Variants in L3MBTL1 observed in about 807,000 individuals in gnomAD.
L3MBTL1 encodes lethal(3)malignant brain tumor-like protein 1.
L3MBTL1 carries 75 observed loss-of-function variants against 105.3 expected under a neutral mutation model. The ratio of observed to expected loss-of-function variants is 0.71; its 90% CI spans 0.59 to 0.86. L3MBTL1 has a LOEUF of 0.86. Ranked by LOEUF, L3MBTL1 falls within the 40% of genes least tolerant of loss-of-function variation. The pLI is 0.00. For synonymous variants in L3MBTL1, 452 were observed against 436.2 expected (o/e 1.04, Z -0.45); for missense variants, 1,069 against 1,126.4 (o/e 0.95, Z 0.73).
At chr20:43,509,845 A>C (rs529101381) in intron 1 of L3MBTL1, among the ~76,000 whole-genome samples, 1 of 152,232 alleles carries the variant, frequency 6.6e-6, no homozygotes. Flanking sequence ...CAGTGTTTCA[A>C]ATAAAAAGAT....
intron 7 of L3MBTL1, chr20:43,523,669 C>T (rs1471429846): frequency 5.7e-6 from 1 of 174,204 alleles, no homozygotes; most frequent in Non-Finnish European, 1.3e-5. Flanking sequence ...ACAAGATCTC[C>T]TTATCCTTTT....
chr20:43,534,512 C>CTCATT, intron 15 of L3MBTL1, 118 bp downstream of exon 15: 1 of 795,388 alleles, frequency 1.3e-6, no homozygotes, highest in Non-Finnish European at 2.1e-6. Context: ...GATCTTGAAT[C>CTCATT]TCATTCTTGC....
At chr20:43,522,683 G>C (rs1200549953) in intron 7 of L3MBTL1, among the ~76,000 whole-genome samples, 1 of 150,958 alleles carries the variant, frequency 6.6e-6, no homozygotes, top group Non-Finnish European at 1.5e-5. Flanking sequence ...TGTTGCCCAG[G>C]CTAGTCTCAA....
chr20:43,544,263 C>T (rs1216560850), downstream of L3MBTL1, among the ~76,000 whole-genome samples: 1 of 152,206 alleles, frequency 6.6e-6, no homozygotes, highest in Non-Finnish European at 1.5e-5. Context: ...CTTAGCTTGA[C>T]CTGTGTTAAA....
chr20:43,508,558 G>A (rs891552460), intron 1 of L3MBTL1, among the ~76,000 whole-genome samples: 3 of 152,252 alleles, frequency 2.0e-5, no homozygotes, highest in African/African-American at 7.2e-5. Flanking sequence ...GGAAGGCAAG[G>A]GATTGAGAAA....
At position 43,516,031 on chromosome 20, in the gene L3MBTL1, A is replaced by T. The variant is rs1235291728; in HGVS notation, c.778-62A>T. ...AGAGCCAGGTAGGGGCCAGGATCAG[A>T]CCCTAGGGCTTCATCCCAAACCATG... On this transcript the variant is annotated intron_variant, in intron 6 of 21. Coordinates refer to ENST00000418998, the MANE Select transcript of L3MBTL1 (RefSeq NM_001377303.1). The T allele has an allele frequency of 4.6e-6, 6 of 1,301,688 alleles. No homozygotes were observed. In the Admixed American group the frequency reaches 1.0e-4, roughly 22 times the overall value. The allele number at this position is 1,301,688 out of a possible 1,614,324, so 80.6% of individuals were successfully genotyped here.
intron 7 of L3MBTL1, among the ~76,000 whole-genome samples, 168 bp from the exon 8 acceptor site, chr20:43,528,489 C>T (rs868409585): frequency 6.6e-6 from 1 of 152,188 alleles, no homozygotes; most frequent in African/African-American, 2.4e-5. Context: ...CTGAGCCTCC[C>T]CTCAGCCCCG....
intron 1 of L3MBTL1, among the ~76,000 whole-genome samples, chr20:43,511,971 C>T (rs1017288741): frequency 6.6e-6 from 1 of 151,850 alleles, no homozygotes. Flanking sequence ...AAACCAGAGT[C>T]TGTTGAGTGG....
intron 12 of L3MBTL1, 97 bp downstream of exon 12, chr20:43,533,021 G>T (rs1358337141): frequency 8.2e-7 from 1 of 1,218,280 alleles, no homozygotes; most frequent in South Asian, 1.3e-5. Context: ...ACTCAGTCCA[G>T]TTCTGACATT....
intron 7 of L3MBTL1, among the ~76,000 whole-genome samples, chr20:43,518,851 CAAAAAAAAAAAA>C (rs34529936): frequency 2.1e-4 from 7 of 33,302 alleles, no homozygotes; most frequent in East Asian, 2.3e-3. Context: ...ACTAAAAATA[CAAAAAAAAAAAA>C]AAAAAAAAAA....
Position 43,514,615 on chromosome 20 carries a change from C to G in L3MBTL1, c.361-20C>G, listed in dbSNP as rs2018265345. 3 of 1,598,604 alleles carry G rather than the reference C, an allele frequency of 1.9e-6. No individual in the cohort carries two copies. Among genetic ancestry groups the G allele is most frequent in the Non-Finnish European group, 2.6e-6 (3 of 1,172,458 alleles). On this transcript the variant is annotated intron_variant, in intron 3 of 21. Transcript: ENST00000418998. ...GGACCCGTACGGGAGTCGCAATCCTCAGACCCTCCCGCGCTCCAGTTCCGG... is the reference window on the plus strand; with the variant it reads ...GGACCCGTACGGGAGTCGCAATCCTGAGACCCTCCCGCGCTCCAGTTCCGG...
At chr20:43,534,134 G>T in intron 14 of L3MBTL1, 41 bp downstream of exon 14, 1 of 1,584,294 alleles carries the variant, frequency 6.3e-7, no homozygotes, top group African/African-American at 1.3e-5. Context: ...AGCTCAGAAA[G>T]ACATGGAGCA....
Position 43,540,941 on chromosome 20 carries a change from T to C in L3MBTL1, c.2402T>C (p.Ile801Thr). The C allele has an allele frequency of 2.5e-6, 4 of 1,614,084 alleles. No homozygotes were observed. Among genetic ancestry groups the C allele is most frequent in the Non-Finnish European group, 3.4e-6 (4 of 1,179,958 alleles). ...CCCGTGTTGCCCCACCAGGCAAGAATAGTCAGAGTGACCCATGTATCTGGG... is the reference window on the plus strand; with the variant it reads ...CCCGTGTTGCCCCACCAGGCAAGAACAGTCAGAGTGACCCATGTATCTGGG... ...QARLFKDEAR[I>T]VRVTHVSGKT... is the part of the protein sequence containing the mutation. The change falls in exon 22 of 22, where the codon ATA (isoleucine) becomes ACA (threonine). Residue 801 changes from isoleucine to threonine, a missense_variant. By Grantham distance (89) the Ile-to-Thr change is moderately conservative. Coordinates refer to ENST00000418998, the MANE Select transcript of L3MBTL1 (RefSeq NM_001377303.1).
At chr20:43,518,035 A>G (rs1003982) in intron 7 of L3MBTL1, among the ~76,000 whole-genome samples, 1,887 of 152,340 alleles carry the variant, frequency 0.012, 54 homozygotes, top group African/African-American at 0.043. Context: ...TTACTTAGAT[A>G]AATAGATTCA....
chr20:43,530,704 C>G, intron 10 of L3MBTL1, 94 bp from the exon 11 acceptor site: 1 of 1,207,088 alleles, frequency 8.3e-7, no homozygotes, highest in Non-Finnish European at 1.2e-6. Context: ...GGGAGGTCCT[C>G]AGGCATGCCT....
rs140269685 is a variant in L3MBTL1 at position 43,532,527 on chromosome 20, G to A, written c.1285-246G>A. On this transcript the variant is annotated intron_variant, in intron 11 of 21. Transcript: ENST00000418998. ...GGGCGAACGCATAGCCTCCTTCCAG[G>A]CACTTACCTTCTGACACAAGCCAGG... is the stretch of plus-strand genomic sequence containing the variant. 2.8e-4 allele frequency: 125 copies of A among 449,372 alleles called. No individual in the cohort carries two copies. In the East Asian group the frequency reaches 4.2e-3, roughly 15 times the overall value. 27.8% of individuals were successfully genotyped at this position (449,372 alleles called of 1,614,324 possible).
intron 1 of L3MBTL1, among the ~76,000 whole-genome samples, chr20:43,510,411 T>C (rs1299664602): frequency 6.7e-6 from 1 of 148,294 alleles, no homozygotes; most frequent in African/African-American, 2.4e-5. Flanking sequence ...TCTTTCTTTT[T>C]TTTTTTTTTT....
chr20:43,547,773 G>A (rs1386208574), intron 18 of L3MBTL1, among the ~76,000 whole-genome samples: 1 of 152,226 alleles, frequency 6.6e-6, no homozygotes, highest in Non-Finnish European at 1.5e-5. Context: ...GCCAGTGTCT[G>A]TGAGGACTCA....
At chr20:43,520,525 G>A (rs995550020) in intron 7 of L3MBTL1, among the ~76,000 whole-genome samples, 1 of 152,144 alleles carries the variant, frequency 6.6e-6, no homozygotes, top group African/African-American at 2.4e-5. Flanking sequence ...AGCAGTATAT[G>A]AGGATTCCAG....
Sources: gnomAD v4.1 joint callset for allele counts (sites outside exome capture counted in the v4.1 genomes callset) on GRCh38, gnomAD v4.1.1 for gene constraint, MANE v1.5 for transcripts, NCBI Gene and HGNC (gene_info 2026-07-23, HGNC 2026-07-21) for gene names.